Variants in LHPP observed in about 807,000 individuals in gnomAD.
LHPP encodes hLHPP.
In LHPP, 24 loss-of-function variants were observed where a neutral mutation model predicts 30.3. That is an observed-to-expected ratio of 0.79 (90% CI 0.57 to 1.11). The LOEUF is 1.11. Among genes scored for constraint, LHPP ranks in the 50% most tolerant of loss-of-function variants. The pLI is 0.00. For synonymous variants in LHPP, 150 were observed against 157.1 expected (o/e 0.95, Z 0.34); for missense variants, 356 against 367.2 (o/e 0.97, Z 0.25).
intron 6 of LHPP, among the ~76,000 whole-genome samples, chr10:124,537,702 A>G (rs1162706277): frequency 6.6e-6 from 1 of 152,220 alleles, no homozygotes. Flanking sequence ...CAGGTGGCCC[A>G]GGAGCTGGCT....
At chr10:124,497,588 C>T (rs556973984) in intron 4 of LHPP, among the ~76,000 whole-genome samples, 2 of 152,234 alleles carry the variant, frequency 1.3e-5, no homozygotes, top group Admixed American at 1.3e-4. Context: ...CCCGTCCCAT[C>T]CTCACAGCTG....
chr10:124,524,736 G>A (rs2133921487), intron 6 of LHPP, among the ~76,000 whole-genome samples: 1 of 152,300 alleles, frequency 6.6e-6, no homozygotes, highest in East Asian at 1.9e-4. Context: ...GGAGGCTGAG[G>A]CAGGAGGATC....
At position 124,484,303 on chromosome 10, in the gene LHPP, G is replaced by A. The variant is rs147232465; in HGVS notation, c.290G>A (p.Arg97Gln). 72 of 1,613,498 alleles carry A rather than the reference G, an allele frequency of 4.5e-5. 2 individuals carry two copies. Among genetic ancestry groups the A allele is most frequent in the Middle Eastern group, 3.3e-4 (2 of 6,048 alleles). The stretch of plus-strand genomic sequence containing the variant: ...CAGATCCTGAAGGAGCAAGGCCTGC[G>A]ACCATACCTGCTCATCCATGACGGT... ...ACQILKEQGL[R>Q]PYLLIHDGVR... The change falls in exon 2 of 7, where the codon CGA (arginine) becomes CAA (glutamine). Residue 97 changes from arginine to glutamine, a missense_variant. Transcript: ENST00000368842.
At chr10:124,600,216 T>C (rs979763622) in intron 6 of LHPP, among the ~76,000 whole-genome samples, 3 of 152,252 alleles carry the variant, frequency 2.0e-5, no homozygotes, top group African/African-American at 4.8e-5. Context: ...ATGGGTCCCC[T>C]GTCAGACCTC....
At chr10:124,490,668 T>A (rs1953493957) in intron 3 of LHPP, 1 of 175,624 alleles carries the variant, frequency 5.7e-6, no homozygotes, top group Admixed American at 6.3e-5. Flanking sequence ...TGTTCCTGGT[T>A]TTTCACCATA....
intron 6 of LHPP, among the ~76,000 whole-genome samples, chr10:124,572,937 T>G (rs1405699728): frequency 6.6e-6 from 1 of 152,200 alleles, no homozygotes; most frequent in Non-Finnish European, 1.5e-5. Context: ...CCACCAATCC[T>G]GGTTCCTCAA....
At position 124,597,934 on chromosome 10, in the gene LHPP, G is replaced by A. The variant is rs970820927; in HGVS notation, c.717-15330G>A. Among the ~76,000 whole-genome samples, 19 of 152,144 alleles carry A rather than the reference G, an allele frequency of 1.2e-4. 1 individual carries two copies. Among genetic ancestry groups the A allele is most frequent in the South Asian group, 6.2e-4 (3 of 4,824 alleles). The stretch of plus-strand genomic sequence containing the variant: ...GCTCCAAGGCCCTACGCCCAGGCCC[G>A]TCCCTCTGCCAAAGCGAGCCTTTTA... On this transcript the variant is annotated intron_variant, in intron 6 of 6. Coordinates refer to ENST00000368842, the MANE Select transcript of LHPP (RefSeq NM_022126.4).
chr10:124,530,263 T>A (rs1199650054), intron 6 of LHPP, among the ~76,000 whole-genome samples: 10 of 151,942 alleles, frequency 6.6e-5, no homozygotes, highest in Admixed American at 4.6e-4. Flanking sequence ...CTCTCAGGGT[T>A]CACTCTCATT....
chr10:124,479,855 C>G (rs536167162), intron 1 of LHPP, among the ~76,000 whole-genome samples: 86 of 152,342 alleles, frequency 5.6e-4, no homozygotes, highest in African/African-American at 2.0e-3. Flanking sequence ...AGGTCTCTGT[C>G]TCCTGGGGCC....
At chr10:124,609,369 A>G (rs1949136663) in intron 6 of LHPP, among the ~76,000 whole-genome samples, 1 of 151,826 alleles carries the variant, frequency 6.6e-6, no homozygotes, top group Non-Finnish European at 1.5e-5. Context: ...CAGCCTCCCA[A>G]GTAGCTGGGA....
intron 6 of LHPP, among the ~76,000 whole-genome samples, chr10:124,546,631 T>C (rs951955299): frequency 1.9e-4 from 29 of 152,074 alleles, no homozygotes; most frequent in African/African-American, 5.3e-4. Flanking sequence ...AGGATGGTCT[T>C]GATCTCCTGA....
intron 6 of LHPP, among the ~76,000 whole-genome samples, chr10:124,603,893 A>G (rs1949059925): frequency 6.6e-6 from 1 of 152,208 alleles, no homozygotes; most frequent in Non-Finnish European, 1.5e-5. Flanking sequence ...GAGTGAGAAC[A>G]GGTAGCTGAG....
chr10:124,462,608 A>C (rs535855721), intron 1 of LHPP, among the ~76,000 whole-genome samples: 42 of 152,308 alleles, frequency 2.8e-4, no homozygotes, highest in African/African-American at 8.2e-4. Flanking sequence ...CAAAACCCCC[A>C]AAAACACCAG....
intron 6 of LHPP, among the ~76,000 whole-genome samples, chr10:124,579,653 C>G (rs527314815): frequency 1.3e-5 from 2 of 152,260 alleles, no homozygotes; most frequent in East Asian, 3.9e-4. Context: ...ATATGGTCAC[C>G]TTGGGGAGTT....
chr10:124,560,644 C>A (rs139090457), intron 6 of LHPP, among the ~76,000 whole-genome samples: 66 of 152,340 alleles, frequency 4.3e-4, no homozygotes, highest in African/African-American at 1.6e-3. Flanking sequence ...GTGCTCCCGA[C>A]GTCAGGCTCA....
rs537447211 is a variant in LHPP at position 124,496,326 on chromosome 10, C to A, written c.468-635C>A. Among the ~76,000 whole-genome samples the A allele has an allele frequency of 6.6e-6, 1 of 152,258 alleles. No homozygotes were observed. Among genetic ancestry groups the A allele is most frequent in the South Asian group, 2.1e-4 (1 of 4,826 alleles). On this transcript the variant is annotated intron_variant, in intron 3 of 6. Transcript: ENST00000368842. This position sits in a 1 kb window ranked among gnomAD's most constrained non-coding sequence, Gnocchi z 4.3. ...GGGCTGCAGCCAGCCACCAAGCCAG[C>A]CCTGGGCTCAAAGAGCAGTGAGGCC... is the stretch of plus-strand genomic sequence containing the variant.
At chr10:124,490,123 G>C (rs1953475295) in intron 3 of LHPP, 1 of 173,338 alleles carries the variant, frequency 5.8e-6, no homozygotes. Flanking sequence ...TCTGTCTGTG[G>C]GTGTCTCTCT....
intron 1 of LHPP, among the ~76,000 whole-genome samples, chr10:124,482,175 A>G (rs1953160081): frequency 6.6e-6 from 1 of 152,202 alleles, no homozygotes; most frequent in East Asian, 1.9e-4. Flanking sequence ...TAGTTCTAGT[A>G]ACTGGGTTGA....
intron 6 of LHPP, among the ~76,000 whole-genome samples, chr10:124,595,565 T>C (rs934512751): frequency 6.6e-6 from 1 of 152,196 alleles, no homozygotes; most frequent in African/African-American, 2.4e-5. Context: ...GGATTCCCTC[T>C]TTGCTTTGGC....
Sources: allele counts gnomAD v4.1 joint callset (sites outside exome capture counted in the v4.1 genomes callset), GRCh38; gene constraint gnomAD v4.1.1; non-coding constraint Gnocchi (gnomAD v3.1); transcripts MANE v1.5; gene names NCBI Gene and HGNC (gene_info 2026-07-23, HGNC 2026-07-21).